LRRC49: variants seen among roughly 807,000 people sequenced by gnomAD.
LRRC49 encodes leucine-rich repeat-containing protein 49.
In LRRC49, 50 loss-of-function variants were observed where a neutral mutation model predicts 83.3. That is an observed-to-expected ratio of 0.60 (90% CI 0.48 to 0.76). The LOEUF is 0.76. Among genes scored for constraint, LRRC49 ranks in the 30% least tolerant of loss-of-function variants. The pLI is 0.00. For missense variants in LRRC49, 704 were observed against 809.1 expected (o/e 0.87, Z 1.58); for synonymous variants, 286 against 283.3 (o/e 1.01, Z -0.10).
At chr15:70,970,189 G>A (rs978336362) in intron 9 of LRRC49, among the ~76,000 whole-genome samples, 18 of 152,040 alleles carry the variant, frequency 1.2e-4, no homozygotes, top group South Asian at 2.1e-4. Flanking sequence ...AGCATGAAGC[G>A]GTATTGAATT....
chr15:70,989,702 G>A (rs934607346), intron 11 of LRRC49, among the ~76,000 whole-genome samples: 10 of 152,190 alleles, frequency 6.6e-5, no homozygotes, highest in African/African-American at 1.2e-4. Flanking sequence ...AGGAGGAGAG[G>A]CGCTCTGCTT....
At chr15:70,855,364 A>G (rs950108567) in intron 1 of LRRC49, among the ~76,000 whole-genome samples, 2 of 151,688 alleles carry the variant, frequency 1.3e-5, no homozygotes, top group African/African-American at 2.4e-5. Flanking sequence ...AGAAAAAAAA[A>G]GAAAGAAGGA....
At chr15:70,950,604 G>A (rs1362264315) in intron 8 of LRRC49, among the ~76,000 whole-genome samples, 2 of 151,974 alleles carry the variant, frequency 1.3e-5, no homozygotes, top group African/African-American at 4.8e-5. Context: ...ATTTTATAAT[G>A]GGGTTATTTG....
At chr15:71,029,059 T>C (rs1309149444) in intron 14 of LRRC49, among the ~76,000 whole-genome samples, 1 of 152,230 alleles carries the variant, frequency 6.6e-6, no homozygotes, top group Non-Finnish European at 1.5e-5. Context: ...TTTATATCTT[T>C]CCAGCTTTCT....
chr15:70,978,344 G>T (rs2037280946), intron 9 of LRRC49, among the ~76,000 whole-genome samples: 1 of 152,178 alleles, frequency 6.6e-6, no homozygotes, highest in African/African-American at 2.4e-5. Context: ...TTTTGCAGGT[G>T]CTGTAGCAAG....
In LRRC49 at chr15:71,004,291, A is replaced by G. The variant is rs2038374706; in HGVS notation, c.1170-4088A>G. ...TTGAGTGTATACCCAAAGGAATATA[A>G]ATTTCTCTAGTATAAAGACACATGC... On this transcript the variant is annotated intron_variant, in intron 11 of 15. Coordinates refer to ENST00000260382, the MANE Select transcript of LRRC49 (RefSeq NM_017691.5). 2.0e-5 allele frequency among the ~76,000 whole-genome samples: 3 copies of G among 152,280 alleles called. No homozygotes were observed. In the South Asian group the frequency reaches 6.2e-4, roughly 32 times the overall value.
Position 71,009,386 on chromosome 15 carries a change from G to A in LRRC49, c.1408-421G>A, listed in dbSNP as rs553474696. On this transcript the variant is annotated intron_variant, in intron 12 of 15. Transcript: ENST00000260382. ...AGATACAAGTAATAATAACTAACTA[G>A]TTCTTCTCAGGAAAATTGTGGGGGC... Among the ~76,000 whole-genome samples the A allele has an allele frequency of 2.0e-4, 30 of 151,978 alleles. 1 individual carries two copies. In the South Asian group the frequency reaches 5.6e-3, roughly 28 times the overall value.
intron 11 of LRRC49, among the ~76,000 whole-genome samples, chr15:71,007,523 T>A (rs2038498029): frequency 6.6e-6 from 1 of 151,814 alleles, no homozygotes; most frequent in Non-Finnish European, 1.5e-5. Context: ...ACAAAAACCA[T>A]GCTTTGTTTA....
At chr15:71,037,079 T>C (rs1567111353) in intron 14 of LRRC49, 100 bp from the exon 15 acceptor site, 3 of 790,330 alleles carry the variant, frequency 3.8e-6, no homozygotes, top group African/African-American at 3.6e-5. Flanking sequence ...AAATATATAT[T>C]CAAAAAAGTA....
At chr15:70,911,468 A>T in intron 5 of LRRC49, 64 bp from the exon 6 acceptor site, 1 of 876,472 alleles carries the variant, frequency 1.1e-6, no homozygotes, top group Non-Finnish European at 1.9e-6. Flanking sequence ...ATGCCTTAGC[A>T]TACTTTGATT....
At chr15:70,899,818 C>T (rs2033994786) in intron 3 of LRRC49, among the ~76,000 whole-genome samples, 2 of 152,246 alleles carry the variant, frequency 1.3e-5, no homozygotes, top group Middle Eastern at 3.4e-3. Flanking sequence ...GTGGTAACAT[C>T]AGGTTCTGTT....
intron 8 of LRRC49, among the ~76,000 whole-genome samples, chr15:70,948,761 T>C (rs1462013741): frequency 1.3e-5 from 2 of 152,124 alleles, no homozygotes; most frequent in African/African-American, 4.8e-5. Flanking sequence ...GTTTAGAAAC[T>C]AAGATTTGAG....
intron 7 of LRRC49, among the ~76,000 whole-genome samples, chr15:70,924,332 T>G (rs1423473395): frequency 6.6e-6 from 1 of 151,962 alleles, no homozygotes; most frequent in African/African-American, 2.4e-5. Flanking sequence ...ATGTTTAGAT[T>G]TTTTACTTAG....
chr15:71,034,783 T>C (rs1329225885), intron 14 of LRRC49, among the ~76,000 whole-genome samples: 4 of 152,166 alleles, frequency 2.6e-5, no homozygotes, highest in African/African-American at 9.7e-5. Context: ...CTCAGCGGAC[T>C]AACACAGGAA....
chr15:70,984,832 A>T (rs1384690742), intron 11 of LRRC49, among the ~76,000 whole-genome samples: 2 of 136,870 alleles, frequency 1.5e-5, no homozygotes, highest in Non-Finnish European at 3.0e-5. Context: ...TCCTGTGTCC[A>T]TGTGTTCTCA....
intron 15 of LRRC49, among the ~76,000 whole-genome samples, chr15:71,039,475 G>T (rs1596174074): frequency 6.6e-6 from 1 of 152,144 alleles, no homozygotes; most frequent in East Asian, 1.9e-4. Flanking sequence ...ATACCAAAAT[G>T]CACAGATGCT....
intron 15 of LRRC49, among the ~76,000 whole-genome samples, chr15:71,045,070 T>G (rs1165829753): frequency 2.0e-5 from 3 of 151,486 alleles, no homozygotes; most frequent in Non-Finnish European, 4.4e-5. Context: ...TTTTTTGTGT[T>G]TTTTTAGTAG....
chr15:70,966,782 C>G (rs973344948), intron 9 of LRRC49, among the ~76,000 whole-genome samples: 1 of 152,012 alleles, frequency 6.6e-6, no homozygotes, highest in South Asian at 2.1e-4. Flanking sequence ...CTTGAACTCA[C>G]GAGTTTCTGT....
intron 14 of LRRC49, among the ~76,000 whole-genome samples, chr15:71,030,480 G>A (rs536311909): frequency 4.4e-4 from 67 of 152,246 alleles, no homozygotes; most frequent in African/African-American, 1.6e-3. Context: ...TGGAGAATCT[G>A]GGGATTATGT....
Sources: allele counts gnomAD v4.1 joint callset (sites outside exome capture counted in the v4.1 genomes callset), GRCh38; gene constraint gnomAD v4.1.1; transcripts MANE v1.5; gene names NCBI Gene and HGNC (gene_info 2026-07-23, HGNC 2026-07-21).